Variants in COG6 observed in about 807,000 individuals in gnomAD.
COG6 encodes the protein conserved oligomeric Golgi complex subunit 6.
In COG6, 74 loss-of-function variants were observed where a neutral mutation model predicts 88.8. That is an observed-to-expected ratio of 0.83 (90% CI 0.69 to 1.01). The LOEUF is 1.01. COG6 is among the 50% of genes least tolerant of loss of function. The pLI, the probability that COG6 is intolerant of heterozygous loss-of-function variation, is 0.00. For missense variants in COG6, 800 were observed against 797.9 expected (o/e 1.00, Z -0.03); for synonymous variants, 286 against 278.7 (o/e 1.03, Z -0.26).
chr13:39,719,348 G>T lies in COG6; in HGVS notation c.1397G>T (p.Arg466Leu), dbSNP rs537646524. Residue 466 changes from arginine to leucine, a missense_variant, in exon 14 of 19, where the codon CGT (arginine) becomes CTT (leucine). Physicochemically the swap from Arg to Leu is moderately radical, Grantham distance 102. Coordinates refer to ENST00000455146, the MANE Select transcript of COG6 (RefSeq NM_020751.3). ...TCTTCAGTTGTACCATTAGATGCTC[G>T]TCAAGCTGATTTTGTGCAGGTATGT... is the stretch of plus-strand genomic sequence containing the variant. ...HDSSVVPLDA[R>L]QADFVQVLSC... 1 of 1,612,424 alleles carries T rather than the reference G, an allele frequency of 6.2e-7. No individual in the cohort carries two copies. The highest frequency in any genetic ancestry group is 8.5e-7 in the Non-Finnish European group (1 of 1,179,010).
At position 39,738,853 on chromosome 13, in the gene COG6, G is replaced by A. The variant is rs554130094; in HGVS notation, c.1826+11305G>A. Among the ~76,000 whole-genome samples, 8 of 152,166 alleles carry A rather than the reference G, an allele frequency of 5.3e-5. No homozygotes were observed. In the East Asian group the frequency reaches 1.5e-3, roughly 29 times the overall value. ...GAAGTAAATATAGTAGTATATCTGT[G>A]CATTTAATAGCAGAGCTGCAAATAA... On this transcript the variant is annotated intron_variant, in intron 18 of 18. Transcript: ENST00000455146.
intron 1 of COG6, 98 bp downstream of exon 1, chr13:39,655,977 C>G: frequency 6.9e-7 from 1 of 1,456,666 alleles, no homozygotes; most frequent in Non-Finnish European, 9.4e-7. Flanking sequence ...CTCCCTCGTC[C>G]CGGCAGCAGA....
chr13:39,771,332 C>A (rs575822186), intron 18 of COG6, among the ~76,000 whole-genome samples: 1 of 152,330 alleles, frequency 6.6e-6, no homozygotes, highest in African/African-American at 2.4e-5. Context: ...ACTTCTTCGT[C>A]CATCGTCTCC....
At chr13:39,759,784 G>A (rs1880955688) in intron 18 of COG6, among the ~76,000 whole-genome samples, 1 of 152,120 alleles carries the variant, frequency 6.6e-6, no homozygotes, top group Admixed American at 6.6e-5. Context: ...GCCAGTGAAT[G>A]TTAAAAGTAA....
chr13:39,668,514 C>T (rs1278558799), intron 4 of COG6, among the ~76,000 whole-genome samples: 11 of 152,100 alleles, frequency 7.2e-5, no homozygotes, highest in African/African-American at 1.9e-4. Flanking sequence ...CAAGGCCGGG[C>T]GCCGTAGCTC....
At chr13:39,663,095 C>CTT (rs141978569) in intron 3 of COG6, among the ~76,000 whole-genome samples, 2 of 151,082 alleles carry the variant, frequency 1.3e-5, no homozygotes, top group African/African-American at 4.9e-5. Flanking sequence ...AAATAATAAA[C>CTT]ATGCATTTAG....
chr13:39,681,331 C>CT (rs1458665510), intron 7 of COG6, among the ~76,000 whole-genome samples: 1 of 152,120 alleles, frequency 6.6e-6, no homozygotes, highest in Admixed American at 6.5e-5. Flanking sequence ...GGAGTGTTGT[C>CT]TGCCTTTCTC....
chr13:39,777,953 G>T (rs796667747), intron 18 of COG6, among the ~76,000 whole-genome samples: 7 of 152,278 alleles, frequency 4.6e-5, no homozygotes, highest in African/African-American at 1.7e-4. Flanking sequence ...TATCCACTCT[G>T]TGCAAAGCCC....
intron 18 of COG6, among the ~76,000 whole-genome samples, chr13:39,740,931 A>G (rs1266694378): frequency 6.6e-6 from 1 of 152,122 alleles, no homozygotes. Context: ...ATAAAACTCA[A>G]TTTTAGTGAT....
chr13:39,682,927 C>T (rs1022720246), intron 8 of COG6, among the ~76,000 whole-genome samples: 2 of 151,866 alleles, frequency 1.3e-5, no homozygotes, highest in Non-Finnish European at 2.9e-5. Flanking sequence ...ATTAATAATT[C>T]TGAAAACAGG....
intron 4 of COG6, among the ~76,000 whole-genome samples, chr13:39,676,083 T>A (rs1223500651): frequency 6.6e-6 from 1 of 152,252 alleles, no homozygotes; most frequent in East Asian, 1.9e-4. Context: ...ACTGCATTGT[T>A]ATTTGCTGTA....
chr13:39,729,864 C>T (rs1260407714), intron 18 of COG6, among the ~76,000 whole-genome samples: 1 of 152,010 alleles, frequency 6.6e-6, no homozygotes. Flanking sequence ...TTTTATTTTT[C>T]TTTCTTAGTC....
chr13:39,699,663 A>G (rs776237867), intron 13 of COG6, 45 bp downstream of exon 13: 4 of 907,600 alleles, frequency 4.4e-6, no homozygotes, highest in Non-Finnish European at 7.4e-6. Flanking sequence ...AATGTTTCAC[A>G]TTAAAGATGT....
chr13:39,656,219 G>A, intron 1 of COG6: 1 of 511,142 alleles, frequency 2.0e-6, no homozygotes. Context: ...TGGGAGAGTG[G>A]AGGAGAGCAC....
intron 10 of COG6, 134 bp from the exon 11 acceptor site, chr13:39,689,626 A>T: frequency 3.2e-6 from 2 of 626,068 alleles, no homozygotes; most frequent in Admixed American, 5.2e-5. Context: ...TTACTAAAAT[A>T]TTGTTATGGT....
intron 18 of COG6, among the ~76,000 whole-genome samples, chr13:39,765,902 G>A (rs919251770): frequency 2.0e-5 from 3 of 152,224 alleles, no homozygotes; most frequent in Non-Finnish European, 2.9e-5. Context: ...CATATTCTGA[G>A]CAATTAGGCC....
chr13:39,756,196 CT>C (rs1880828916), downstream of COG6, among the ~76,000 whole-genome samples: 1 of 152,020 alleles, frequency 6.6e-6, no homozygotes, highest in Non-Finnish European at 1.5e-5. Context: ...TAAAGTTACA[CT>C]TTATAAAAAT....
chr13:39,726,324 T>C (rs756212059), intron 17 of COG6, among the ~76,000 whole-genome samples: 1 of 151,936 alleles, frequency 6.6e-6, no homozygotes, highest in Non-Finnish European at 1.5e-5. Flanking sequence ...ATGCTAAGAA[T>C]TGGGATGAAA....
intron 18 of COG6, among the ~76,000 whole-genome samples, chr13:39,732,346 A>G (rs1399047363): frequency 6.6e-6 from 1 of 152,230 alleles, no homozygotes; most frequent in Non-Finnish European, 1.5e-5. Context: ...AGTTACAGAC[A>G]ATCAACAGTG....
Sources: gnomAD v4.1 joint callset for allele counts (sites outside exome capture counted in the v4.1 genomes callset) on GRCh38, gnomAD v4.1.1 for gene constraint, MANE v1.5 for transcripts, NCBI Gene and HGNC (gene_info 2026-07-23, HGNC 2026-07-21) for gene names.